GABRG3: variants seen among roughly 807,000 people sequenced by gnomAD.
The protein encoded by GABRG3 is gamma-aminobutyric acid type A receptor subunit gamma3.
Under a neutral mutation model 48.8 loss-of-function variants are expected in GABRG3, and 25 were observed. That is an observed-to-expected ratio of 0.51 (90% CI 0.37 to 0.72). The LOEUF (loss-of-function observed/expected upper bound fraction) is 0.72, where lower values mean the gene tolerates loss of function less well. Ranked by LOEUF, GABRG3 falls within the 30% of genes least tolerant of loss-of-function variation. The pLI is 0.00. For synonymous variants in GABRG3, 227 were observed against 217.6 expected (o/e 1.04, Z -0.38); for missense variants, 394 against 577.9 (o/e 0.68, Z 3.26).
intron 5 of GABRG3, among the ~76,000 whole-genome samples, chr15:27,379,497 C>T (rs1311520211): frequency 6.6e-6 from 1 of 152,166 alleles, no homozygotes; most frequent in African/African-American, 2.4e-5. Context: ...ATTGTATGTT[C>T]ATTCATTCCT....
intron 3 of GABRG3, among the ~76,000 whole-genome samples, chr15:27,145,903 T>G (rs2140393076): frequency 6.6e-6 from 1 of 152,078 alleles, no homozygotes; most frequent in Non-Finnish European, 1.5e-5. Flanking sequence ...CTCAGTAAGC[T>G]TAACAGTTAA....
chr15:27,221,259 C>T (rs1409780305), intron 3 of GABRG3, among the ~76,000 whole-genome samples: 2 of 152,028 alleles, frequency 1.3e-5, no homozygotes, highest in Non-Finnish European at 2.9e-5. Context: ...CCTTGATGGA[C>T]AGTGTGCTGA....
intron 3 of GABRG3, among the ~76,000 whole-genome samples, chr15:27,312,893 G>T (rs774619519): frequency 1.3e-5 from 2 of 151,492 alleles, no homozygotes; most frequent in Non-Finnish European, 2.9e-5. Flanking sequence ...ATAATGGTAG[G>T]TAAATCACTT....
chr15:27,330,219 G>A (rs1300389816), intron 5 of GABRG3, among the ~76,000 whole-genome samples: 1 of 152,182 alleles, frequency 6.6e-6, no homozygotes, highest in African/African-American at 2.4e-5. Flanking sequence ...CAGCCTGGGT[G>A]ACAGAGGGAG....
intron 3 of GABRG3, among the ~76,000 whole-genome samples, chr15:27,269,112 T>C (rs1200465450): frequency 2.0e-5 from 3 of 152,170 alleles, no homozygotes; most frequent in South Asian, 4.2e-4. Flanking sequence ...CTTCTGCCAG[T>C]GTCCAGCAGG....
intron 5 of GABRG3, among the ~76,000 whole-genome samples, chr15:27,351,887 G>A: frequency 6.7e-6 from 1 of 149,700 alleles, no homozygotes; most frequent in South Asian, 2.1e-4. Flanking sequence ...TGTATGATGT[G>A]TGTGTATGGT....
chr15:27,484,003 C>G (rs112721576), intron 6 of GABRG3, among the ~76,000 whole-genome samples: 15,046 of 152,134 alleles, frequency 0.099, 1,407 homozygotes, highest in African/African-American at 0.24. Flanking sequence ...GGCACGATCT[C>G]GACTCACTGC....
chr15:27,019,164 G>A lies in GABRG3; in HGVS notation c.203-7590G>A, dbSNP rs984259153. ...GCTCACTGCAAGCTCTGCCTCCCGGGTTCACGCCATTCTCCTGCCTCAGCC... is the reference window on the plus strand; with the variant it reads ...GCTCACTGCAAGCTCTGCCTCCCGGATTCACGCCATTCTCCTGCCTCAGCC... On this transcript the variant is annotated intron_variant, in intron 2 of 9. Transcript: ENST00000615808. Among the ~76,000 whole-genome samples, 14 of 139,300 alleles carry A rather than the reference G, an allele frequency of 1.0e-4. No individual in the cohort carries two copies. The Middle Eastern group carries it at 0.014, about 138-fold the overall frequency. 91.4% of individuals were successfully genotyped at this position (139,300 alleles called of 152,430 possible).
intron 3 of GABRG3, among the ~76,000 whole-genome samples, chr15:27,294,603 A>G (rs1421686742): frequency 3.3e-5 from 5 of 151,916 alleles, no homozygotes; most frequent in African/African-American, 7.3e-5. Flanking sequence ...TTGTCTTTGG[A>G]CTCAGCAGCA....
At chr15:27,001,662 G>A (rs1169148873) in intron 2 of GABRG3, among the ~76,000 whole-genome samples, 3 of 152,220 alleles carry the variant, frequency 2.0e-5, no homozygotes, top group Non-Finnish European at 4.4e-5. Flanking sequence ...GTTGTTAGGA[G>A]GATAGGTAGA....
At chr15:26,981,904 C>T (rs74006545) in intron 2 of GABRG3, among the ~76,000 whole-genome samples, 7,001 of 152,248 alleles carry the variant, frequency 0.046, 228 homozygotes, top group East Asian at 0.19. Context: ...CATCGAATTT[C>T]AAAATCCATG....
intron 3 of GABRG3, among the ~76,000 whole-genome samples, chr15:27,308,537 C>T (rs976900893): frequency 1.4e-5 from 2 of 145,082 alleles, no homozygotes; most frequent in South Asian, 2.2e-4. Context: ...TTTATATAAA[C>T]ATATATAATG....
intron 5 of GABRG3, among the ~76,000 whole-genome samples, chr15:27,418,506 C>T (rs1888011195): frequency 6.6e-6 from 1 of 152,134 alleles, no homozygotes; most frequent in South Asian, 2.1e-4. Context: ...AGGCACCAGC[C>T]CTGACTCTGA....
chr15:27,372,552 C>T (rs1170085331), intron 5 of GABRG3, among the ~76,000 whole-genome samples: 3 of 152,058 alleles, frequency 2.0e-5, no homozygotes. Context: ...GCCACCAGGT[C>T]CAAATCATTT....
At chr15:27,190,492 C>T (rs945726635) in intron 3 of GABRG3, among the ~76,000 whole-genome samples, 8 of 152,006 alleles carry the variant, frequency 5.3e-5, no homozygotes, top group African/African-American at 1.7e-4. Flanking sequence ...CATTTCTTCT[C>T]GATTTTCTGG....
intron 3 of GABRG3, among the ~76,000 whole-genome samples, chr15:27,309,050 A>G (rs992539359): frequency 4.6e-5 from 7 of 151,028 alleles, no homozygotes; most frequent in South Asian, 2.1e-4. Context: ...ATATGTTTAT[A>G]TAGAAACACA....
intron 3 of GABRG3, among the ~76,000 whole-genome samples, chr15:27,071,267 C>T (rs1019742367): frequency 1.5e-4 from 23 of 152,082 alleles, no homozygotes; most frequent in Admixed American, 1.2e-3. Context: ...CATGTAGAGG[C>T]CAAGGAGGGG....
rs543152154 is a variant in GABRG3 at position 27,216,610 on chromosome 15, C to T, written c.271-110199C>T. 7.2e-5 allele frequency among the ~76,000 whole-genome samples: 11 copies of T among 152,216 alleles called. No individual in the cohort carries two copies. The South Asian group carries it at 1.2e-3, about 17-fold the overall frequency. ...CTGAAACACCCTCCTGGGAATCGATCGTTAGTCACCAAATTTCAATGGAAC... is the reference window on the plus strand; with the variant it reads ...CTGAAACACCCTCCTGGGAATCGATTGTTAGTCACCAAATTTCAATGGAAC... On this transcript the variant is annotated intron_variant, in intron 3 of 9. Transcript: ENST00000615808.
intron 2 of GABRG3, among the ~76,000 whole-genome samples, chr15:26,979,128 GT>G (rs1895005127): frequency 6.6e-6 from 1 of 152,176 alleles, no homozygotes; most frequent in Non-Finnish European, 1.5e-5. Flanking sequence ...CATTTTGCCT[GT>G]GTTAATTTCT....
Sources: gnomAD v4.1 joint callset for allele counts (sites outside exome capture counted in the v4.1 genomes callset) on GRCh38, gnomAD v4.1.1 for gene constraint, MANE v1.5 for transcripts, NCBI Gene and HGNC (gene_info 2026-07-23, HGNC 2026-07-21) for gene names.